LYPLAL1: variants seen among roughly 807,000 people sequenced by gnomAD.
LYPLAL1 encodes the protein lysophospholipase like 1.
A neutral mutation model predicts 19.7 loss-of-function variants in LYPLAL1; 23 were observed. The ratio of observed to expected loss-of-function variants is 1.17; its 90% CI spans 0.84 to 1.65. LYPLAL1 has a LOEUF of 1.65. Ranked by LOEUF, LYPLAL1 falls within the 40% of genes most tolerant of loss-of-function variation. The pLI is 0.00. For synonymous variants in LYPLAL1, 119 were observed against 96.3 expected (o/e 1.24, Z -1.38); for missense variants, 355 against 279.4 (o/e 1.27, Z -1.93).
chr1:219,189,066 AC>A (rs2125053955), intron 2 of LYPLAL1, among the ~76,000 whole-genome samples: 1 of 151,870 alleles, frequency 6.6e-6, no homozygotes, highest in South Asian at 2.1e-4. Context: ...CTTAGCTACC[AC>A]ATTAGTAACA....
chr1:219,201,715 T>G (rs1417640537), intron 3 of LYPLAL1, among the ~76,000 whole-genome samples: 3 of 152,184 alleles, frequency 2.0e-5, no homozygotes, highest in African/African-American at 2.4e-5. Context: ...ATGTTTGTTT[T>G]TGTTAACTGT....
the LYPLAL1 span, among the ~76,000 whole-genome samples, chr1:219,268,406 C>T: frequency 2.0e-5 from 3 of 152,114 alleles, no homozygotes; most frequent in Non-Finnish European, 4.4e-5. Flanking sequence ...GCTAAGGCCT[C>T]TAAACATGTA....
the LYPLAL1 span, among the ~76,000 whole-genome samples, chr1:219,341,036 C>CT: frequency 6.6e-6 from 1 of 152,068 alleles, no homozygotes; most frequent in Admixed American, 6.6e-5. Flanking sequence ...GCCTTATTCA[C>CT]TAACATTCCA....
At chr1:219,306,536 A>G in the LYPLAL1 span, among the ~76,000 whole-genome samples, 2 of 152,126 alleles carry the variant, frequency 1.3e-5, no homozygotes, top group Non-Finnish European at 2.9e-5. Flanking sequence ...CATGGGACAT[A>G]AGTTTTTTAT....
At chr1:219,308,752 C>G in the LYPLAL1 span, among the ~76,000 whole-genome samples, 1 of 152,214 alleles carries the variant, frequency 6.6e-6, no homozygotes, top group African/African-American at 2.4e-5. Context: ...ATGGAAACAC[C>G]TGGATGCCCA....
At chr1:219,414,128 A>G in the LYPLAL1 span, among the ~76,000 whole-genome samples, 1 of 152,204 alleles carries the variant, frequency 6.6e-6, no homozygotes, top group Non-Finnish European at 1.5e-5. Context: ...ATAAGACCCT[A>G]ACTAGAATGA....
the LYPLAL1 span, among the ~76,000 whole-genome samples, chr1:219,221,314 G>C: frequency 2.2e-4 from 33 of 152,236 alleles, no homozygotes; most frequent in African/African-American, 7.7e-4. Flanking sequence ...ATGAATCAGG[G>C]GCTCCACTGA....
At chr1:219,367,428 T>C in the LYPLAL1 span, among the ~76,000 whole-genome samples, 1 of 152,090 alleles carries the variant, frequency 6.6e-6, no homozygotes, top group African/African-American at 2.4e-5. Context: ...CCAAAAACCA[T>C]TTTTATATTT....
downstream of LYPLAL1, among the ~76,000 whole-genome samples, chr1:219,215,311 C>T (rs1057105567): frequency 1.3e-5 from 2 of 152,026 alleles, no homozygotes; most frequent in Non-Finnish European, 2.9e-5. Flanking sequence ...TGAATTATTT[C>T]GGACAATAAA....
the LYPLAL1 span, among the ~76,000 whole-genome samples, chr1:219,220,447 G>C: frequency 4.6e-5 from 7 of 152,076 alleles, no homozygotes; most frequent in African/African-American, 1.4e-4. Flanking sequence ...CTTTTCCCTA[G>C]GGCTACCCAT....
At chr1:219,379,553 T>C in the LYPLAL1 span, among the ~76,000 whole-genome samples, 10 of 152,240 alleles carry the variant, frequency 6.6e-5, no homozygotes, top group African/African-American at 1.2e-4. Context: ...AGGGTCTCTG[T>C]TGGGTCTCAG....
chr1:219,210,634 C>T lies in LYPLAL1; in HGVS notation c.464C>T (p.Ser155Phe). 6.2e-7 allele frequency: 1 copy of T among 1,606,494 alleles called. No individual in the cohort carries two copies. The highest frequency in any genetic ancestry group is 8.5e-7 in the Non-Finnish European group (1 of 1,176,400). ...CTTTCTAGTTTTCTGAATAAAGCAT[C>T]TGCTGTTTACCAGGTAAGTTCCAGA... ...FALSSFLNKA[S>F]AVYQALQKSN... is the part of the protein sequence containing the mutation. The change falls in exon 4 of 5, where the codon TCT (serine) becomes TTT (phenylalanine). Residue 155 changes from serine to phenylalanine, a missense_variant. By Grantham distance (155) the Ser-to-Phe change is radical. Transcript: ENST00000366928.
At chr1:219,285,279 A>G in the LYPLAL1 span, among the ~76,000 whole-genome samples, 2 of 152,216 alleles carry the variant, frequency 1.3e-5, no homozygotes, top group Non-Finnish European at 2.9e-5. Context: ...TGTTTTGACT[A>G]ATGAAAATTT....
chr1:219,196,217 G>A (rs1363278911), intron 3 of LYPLAL1, among the ~76,000 whole-genome samples: 1 of 152,046 alleles, frequency 6.6e-6, no homozygotes, highest in Non-Finnish European at 1.5e-5. Context: ...GGGTCAGATG[G>A]TATTTCCGGT....
At chr1:219,233,753 CAGAG>C in the LYPLAL1 span, among the ~76,000 whole-genome samples, 1 of 136,168 alleles carries the variant, frequency 7.3e-6, no homozygotes, top group Non-Finnish European at 1.6e-5. Flanking sequence ...GTCTCAGTGA[CAGAG>C]AGAGACCCTG....
chr1:219,428,285 A>G, the LYPLAL1 span, among the ~76,000 whole-genome samples: 1 of 152,222 alleles, frequency 6.6e-6, no homozygotes, highest in Admixed American at 6.5e-5. Flanking sequence ...TTTATTTCTC[A>G]GTCTCTCACA....
chr1:219,368,121 C>T, the LYPLAL1 span, among the ~76,000 whole-genome samples: 48 of 152,198 alleles, frequency 3.2e-4, no homozygotes, highest in African/African-American at 1.2e-3. Context: ...TTGTCTTTGA[C>T]AAGGAAGGTA....
chr1:219,203,407 A>C (rs1658283594), intron 3 of LYPLAL1, among the ~76,000 whole-genome samples: 1 of 152,118 alleles, frequency 6.6e-6, no homozygotes, highest in Admixed American at 6.5e-5. Context: ...TGTCAATAAA[A>C]TGTTATGTGC....
At chr1:219,358,515 G>A in the LYPLAL1 span, among the ~76,000 whole-genome samples, 10 of 152,138 alleles carry the variant, frequency 6.6e-5, no homozygotes, top group Non-Finnish European at 1.2e-4. Flanking sequence ...TTGGCTCACA[G>A]TTCCACCAGG....
Sources: gnomAD v4.1 joint callset for allele counts (sites outside exome capture counted in the v4.1 genomes callset) on GRCh38, gnomAD v4.1.1 for gene constraint, MANE v1.5 for transcripts, NCBI Gene and HGNC (gene_info 2026-07-23, HGNC 2026-07-21) for gene names.